The following MICAL1 variants were observed in gnomAD, a reference collection of about 807,000 sequenced individuals.
MICAL1 encodes the protein [F-actin]-monooxygenase MICAL1.
MICAL1 carries 95 observed loss-of-function variants against 131.8 expected under a neutral mutation model. That is an observed-to-expected ratio of 0.72 (90% confidence interval 0.61 to 0.86). MICAL1 has a LOEUF of 0.86. Ranked by LOEUF, MICAL1 falls within the 40% of genes least tolerant of loss-of-function variation. The probability of loss-of-function intolerance (pLI) is 0.00; values close to 1 mark genes in which losing one functional copy is unlikely to be tolerated. For missense variants in MICAL1, 1,292 were observed against 1,380.6 expected, an observed-to-expected ratio of 0.94 and a Z score of 1.02; for synonymous variants, 546 against 554.2, an observed-to-expected ratio of 0.99 and a Z score of 0.21.
chr6:109,451,635 T>G lies in MICAL1; in HGVS notation c.898A>C (p.Lys300Gln), dbSNP rs552350609. The G allele has an allele frequency of 6.2e-7, 1 of 1,614,092 alleles. No homozygotes were observed. Among genetic ancestry groups the G allele is most frequent in the African/African-American group, 1.3e-5 (1 of 75,050 alleles). Residue 300 changes from lysine (K) to glutamine (Q), a missense_variant, in exon 7 of 25, where the codon AAG becomes CAG. By Grantham distance (53) the Lys-to-Gln change is moderately conservative (BLOSUM62 1). Transcript: ENST00000358807. ...ACCCCCAGCCGCAGCAGGCACTGCT[T>G]CTTGGCTGTCATCACAAAGTAGTGG... ...DTHYFVMTAK[K>Q]QCLLRLGVLR...
At chr6:109,449,945 A>G in intron 9 of MICAL1, 25 bp downstream of exon 9, 1 of 1,611,386 alleles carries the variant, frequency 6.2e-7, no homozygotes, top group Non-Finnish European at 8.5e-7. Flanking sequence ...TGCCCTGCCC[A>G]CATCCTCCTC....
intron 18 of MICAL1, 87 bp from the exon 19 acceptor site, chr6:109,446,499 A>G: frequency 1.3e-6 from 2 of 1,524,818 alleles, no homozygotes; most frequent in African/African-American, 2.8e-5. Context: ...TTCACTTAAA[A>G]CCATTTACAA....
chr6:109,444,298 C>G lies in MICAL1; in HGVS notation c.3097G>C (p.Val1033Leu). The G allele has an allele frequency of 6.2e-7, 1 of 1,613,504 alleles. No individual in the cohort carries two copies. Among genetic ancestry groups the G allele is most frequent in the Non-Finnish European group, 8.5e-7 (1 of 1,180,038 alleles). The part of the protein sequence containing the change: ...TAADRQAEDQ[V>L]LRKLVDLVNQ... Reference sequence around the variant, plus strand: ...ACCAAATCCACCAGCTTCCTCAGGACCTGGTCCTCAGCCTGCCGATCAGCA... The same window carrying G: ...ACCAAATCCACCAGCTTCCTCAGGAGCTGGTCCTCAGCCTGCCGATCAGCA... The change falls in exon 25 of 25, where the codon GTC becomes CTC. Residue 1033 changes from valine (V) to leucine (L), a missense_variant. By Grantham distance (32) the Val-to-Leu change is conservative. Coordinates refer to ENST00000358807, the MANE Select transcript of MICAL1 (RefSeq NM_022765.4).
At position 109,446,710 on chromosome 6, in the gene MICAL1, C is replaced by G. The variant is rs141685538; in HGVS notation, c.2290G>C (p.Gly764Arg). ...TDHKAEGSDR[G>R]PESPELPTPS... ...TCAGTCTTTACCGGACTCTCAGGGC[C>G]TCTATCGCTGCCTTCCGCTTTGTGG... Residue 764 changes from glycine to arginine, a missense_variant, in exon 18 of 25, where the codon GGC becomes CGC. Coordinates refer to ENST00000358807, the MANE Select transcript of MICAL1 (RefSeq NM_022765.4). The G allele has an allele frequency of 4.8e-5, 78 of 1,613,682 alleles. No individual in the cohort carries two copies. Among genetic ancestry groups the G allele is most frequent in the Non-Finnish European group, 6.1e-5 (72 of 1,179,874 alleles).
intron 14 of MICAL1, 35 bp downstream of exon 14, chr6:109,447,840 C>G (rs767485820): frequency 1.2e-6 from 2 of 1,612,840 alleles, no homozygotes; most frequent in Non-Finnish European, 1.7e-6. Flanking sequence ...GCCCACTCCT[C>G]CCTGCTCAGC....
chr6:109,452,206 C>A (rs1192268047), intron 6 of MICAL1, 40 bp downstream of exon 6: 2 of 1,582,614 alleles, frequency 1.3e-6, no homozygotes, highest in Admixed American at 1.8e-5. Context: ...AGGCCACAGT[C>A]AGGCAGGGGG....
intron 14 of MICAL1, 45 bp from the exon 15 acceptor site, chr6:109,447,767 C>T: frequency 2.5e-6 from 4 of 1,613,648 alleles, no homozygotes; most frequent in Non-Finnish European, 3.4e-6. Flanking sequence ...TTTGAGGTCC[C>T]AGTCCTCCCC....
rs767934563 is a variant in MICAL1, at chr6:109,445,806, C to T, written c.2638G>A (p.Glu880Lys). The T allele has an allele frequency of 6.2e-7, 1 of 1,611,802 alleles. No individual in the cohort carries two copies. The highest frequency in any genetic ancestry group is 8.5e-7 in the Non-Finnish European group (1 of 1,179,152). ...KESPFSSEEEEEDVPLDSDVE... is the reference protein window; with the variant it reads ...KESPFSSEEEKEDVPLDSDVE... ...TCTGAGTCCAAAGGCACATCTTCTT[C>T]TTCCTCTTCACTGGAGAAGGGACTC... is the stretch of plus-strand genomic sequence containing the variant. The change falls in exon 20 of 25, where the codon GAA (glutamate) becomes AAA (lysine). Residue 880 changes from glutamate to lysine, a missense_variant. Transcript: ENST00000358807.
chr6:109,448,135 A>T (rs1017494167), intron 13 of MICAL1, 68 bp downstream of exon 13: 23 of 123,408 alleles, frequency 1.9e-4, no homozygotes, highest in South Asian at 1.7e-3. Context: ...TCCCTCTGTC[A>T]CACACACACA....
At chr6:109,462,218 C>T (rs1775906316) in intron 1 of MICAL1, among the ~76,000 whole-genome samples, 1 of 152,194 alleles carries the variant, frequency 6.6e-6, no homozygotes, top group African/African-American at 2.4e-5. Flanking sequence ...TGTGAAGATA[C>T]AGGCAGGGGA....
chr6:109,451,864 T>A lies in MICAL1; in HGVS notation c.833-164A>T, dbSNP rs559122846. ...AGTCCTGATGACACAAACAACCATC[T>A]GTCCCAGGCCCAGGAGGCCTGAGGA... On this transcript the variant is annotated intron_variant, in intron 6 of 24. Transcript: ENST00000358807. 7.1e-6 allele frequency: 10 copies of A among 1,414,352 alleles called. 1 individual carries two copies. In the East Asian group the frequency reaches 2.6e-4, roughly 37 times the overall value. The allele number at this position is 1,414,352 out of a possible 1,614,324, so 87.6% of individuals were successfully genotyped here. A position where few individuals can be genotyped will look rare whatever the true frequency, so the allele number is the denominator to read the frequency against.
chr6:109,462,701 A>G (rs1204632213), intron 1 of MICAL1: 2 of 152,232 alleles, frequency 1.3e-5, no homozygotes, highest in Non-Finnish European at 2.9e-5. Context: ...GCACTGGGCA[A>G]GCACTTGAAT....
intron 1 of MICAL1, among the ~76,000 whole-genome samples, chr6:109,461,017 A>C (rs1390718371): frequency 6.6e-6 from 1 of 152,214 alleles, no homozygotes; most frequent in East Asian, 1.9e-4. Context: ...CATGCAGGTT[A>C]CATAGGTATA....
At chr6:109,453,388 G>C in intron 3 of MICAL1, 21 bp from the exon 4 acceptor site, 1 of 1,610,074 alleles carries the variant, frequency 6.2e-7, no homozygotes, top group South Asian at 1.1e-5. Flanking sequence ...GAGGACATTA[G>C]GAACAGGGAC....
At chr6:109,464,083 T>C (rs1445350791) in intron 1 of MICAL1, 1 of 152,200 alleles carries the variant, frequency 6.6e-6, no homozygotes, top group African/African-American at 2.4e-5. Context: ...GTAAAAACTT[T>C]GTGTTTTAAG....
chr6:109,444,139 C>T lies in MICAL1; in HGVS notation c.*52G>A. ...CCAGATGAACAGGGGTGGCACTGTGCTGGGGTGAGGTGCTTTCTTTGTGGG... is the reference window on the plus strand; with the variant it reads ...CCAGATGAACAGGGGTGGCACTGTGTTGGGGTGAGGTGCTTTCTTTGTGGG... On this transcript the variant is annotated 3_prime_UTR_variant, in exon 25 of 25. Coordinates refer to ENST00000358807, the MANE Select transcript of MICAL1 (RefSeq NM_022765.4). 6.3e-7 allele frequency: 1 copy of T among 1,592,900 alleles called. No homozygotes were observed. The highest frequency in any genetic ancestry group is 8.5e-7 in the Non-Finnish European group (1 of 1,172,972).
intron 24 of MICAL1, 108 bp downstream of exon 24, chr6:109,444,617 C>CA: frequency 7.4e-7 from 1 of 1,360,236 alleles, no homozygotes; most frequent in Non-Finnish European, 1.0e-6. Flanking sequence ...TGAATTGTCT[C>CA]AGAGGTACAC....
chr6:109,451,042 A>G (rs1009693294), intron 7 of MICAL1, among the ~76,000 whole-genome samples: 3 of 152,154 alleles, frequency 2.0e-5, no homozygotes, highest in African/African-American at 7.2e-5. Context: ...GCAACAGACA[A>G]AGAGACAGAA....
In MICAL1 at chr6:109,444,275, C is replaced by A. The variant is rs150739904; in HGVS notation, c.3120G>T (p.Leu1040Phe). 8.0e-5 allele frequency: 129 copies of A among 1,613,476 alleles called. 1 individual carries two copies. Among genetic ancestry groups the A allele is most frequent in the Non-Finnish European group, 6.8e-6 (8 of 1,180,044 alleles). Residue 1040 changes from leucine (L) to phenylalanine (F), a missense_variant, in exon 25 of 25, where the codon TTG (leucine) becomes TTT (phenylalanine). By Grantham distance (22) the Leu-to-Phe change is conservative (BLOSUM62 0). Coordinates refer to ENST00000358807, the MANE Select transcript of MICAL1 (RefSeq NM_022765.4). ...GGATGAGGGCATCTCTCTGGTTGAC[C>A]AAATCCACCAGCTTCCTCAGGACCT... ...EDQVLRKLVD[L>F]VNQRDALIRF...
Sources: gnomAD v4.1 joint callset for allele counts (sites outside exome capture counted in the v4.1 genomes callset) on GRCh38, gnomAD v4.1.1 for gene constraint, MANE v1.5 for transcripts, NCBI Gene and HGNC (gene_info 2026-07-23, HGNC 2026-07-21) for gene names.